The following ARHGEF3 variants were observed in gnomAD, a reference collection of about 807,000 sequenced individuals.
The protein encoded by ARHGEF3 is Rho guanine nucleotide exchange factor 3.
A neutral mutation model predicts 63.2 loss-of-function variants in ARHGEF3; 28 were observed. The ratio of observed to expected loss-of-function variants is 0.44; its 90% CI spans 0.33 to 0.61. ARHGEF3 has a LOEUF of 0.61. Ranked by LOEUF, ARHGEF3 falls within the 20% of genes least tolerant of loss-of-function variation. The pLI is 0.03. For synonymous variants in ARHGEF3, 266 were observed against 254.2 expected (o/e 1.05, Z -0.44); for missense variants, 533 against 659.3 (o/e 0.81, Z 2.10).
rs1438711650 is a variant in ARHGEF3, at chr3:56,885,182, G to A, written c.130-2828C>T. On this transcript the variant is annotated intron_variant, in intron 3 of 12. Transcript: ENST00000338458. ...CAGCATGGGCGTCCTGCTGCCTAGA[G>A]TAACCCCATGCCCTTCTTGAGTTCT... 4.6e-5 allele frequency among the ~76,000 whole-genome samples: 7 copies of A among 152,296 alleles called. 1 individual carries two copies. The South Asian group carries it at 1.2e-3, about 27-fold the overall frequency.
intron 1 of ARHGEF3, among the ~76,000 whole-genome samples, chr3:56,800,936 A>G (rs1248874072): frequency 6.6e-6 from 1 of 152,236 alleles, no homozygotes; most frequent in Non-Finnish European, 1.5e-5. Flanking sequence ...CCAGTGAGCT[A>G]TGTGCCAGAG....
intron 3 of ARHGEF3, among the ~76,000 whole-genome samples, chr3:56,931,520 G>A (rs928311496): frequency 1.5e-5 from 2 of 133,840 alleles, no homozygotes; most frequent in African/African-American, 5.5e-5. Context: ...AGGCTGCAGT[G>A]AGCCATGATC....
At chr3:56,880,207 G>A (rs1429987163) in intron 4 of ARHGEF3, among the ~76,000 whole-genome samples, 1 of 152,200 alleles carries the variant, frequency 6.6e-6, no homozygotes, top group Non-Finnish European at 1.5e-5. Flanking sequence ...CCAAAGCTGA[G>A]TCCCTAAGCA....
intron 2 of ARHGEF3, among the ~76,000 whole-genome samples, chr3:57,026,075 T>A (rs1296165271): frequency 6.6e-6 from 1 of 152,082 alleles, no homozygotes; most frequent in Non-Finnish European, 1.5e-5. Context: ...AACCTGTACC[T>A]TATGAGCCTA....
chr3:57,063,143 G>A lies in ARHGEF3; in HGVS notation c.-28+16083C>T, dbSNP rs186809957. Among the ~76,000 whole-genome samples, 68 of 152,284 alleles carry A rather than the reference G, an allele frequency of 4.5e-4. 1 individual carries two copies. The South Asian group carries it at 4.6e-3, about 10-fold the overall frequency. ...TTGGGAGAGGTGCATTTTGGGCAGC[G>A]GGAATAGCAGGTGCAAAGGCCCTGA... On this transcript the variant is annotated intron_variant, in intron 1 of 12. Transcript: ENST00000338458.
chr3:56,762,310 A>C (rs1331276729), intron 2 of ARHGEF3, among the ~76,000 whole-genome samples: 1 of 152,198 alleles, frequency 6.6e-6, no homozygotes, highest in African/African-American at 2.4e-5. Context: ...AGTTTCCATG[A>C]GGGAATCTGG....
chr3:57,001,552 C>G (rs1009717774), intron 2 of ARHGEF3, among the ~76,000 whole-genome samples: 7 of 152,308 alleles, frequency 4.6e-5, no homozygotes, highest in Admixed American at 2.6e-4. Flanking sequence ...CCCCCTGTAG[C>G]TACAGAGCTT....
chr3:56,845,718 T>TAAA (rs962053645), intron 4 of ARHGEF3, among the ~76,000 whole-genome samples: 2 of 152,148 alleles, frequency 1.3e-5, no homozygotes, highest in African/African-American at 4.8e-5. Context: ...TTGACCTTAT[T>TAAA]AAAATACCAT....
At chr3:56,929,003 A>G (rs750799302) in intron 3 of ARHGEF3, among the ~76,000 whole-genome samples, 2 of 152,172 alleles carry the variant, frequency 1.3e-5, no homozygotes, top group Non-Finnish European at 2.9e-5. Context: ...GCACAGGACA[A>G]TAAAGGACAC....
chr3:56,785,266 G>A (rs1238777231), intron 1 of ARHGEF3, among the ~76,000 whole-genome samples: 9 of 152,066 alleles, frequency 5.9e-5, no homozygotes, highest in Admixed American at 3.3e-4. Context: ...GGCTGGATAC[G>A]GCAAAACTAG....
At chr3:56,830,675 T>A (rs757333888) in intron 4 of ARHGEF3, among the ~76,000 whole-genome samples, 1 of 152,154 alleles carries the variant, frequency 6.6e-6, no homozygotes, top group Non-Finnish European at 1.5e-5. Flanking sequence ...GCTGTTCGCC[T>A]CTCAGCCCCC....
chr3:57,065,636 T>A (rs141740820), intron 1 of ARHGEF3, among the ~76,000 whole-genome samples: 9 of 152,246 alleles, frequency 5.9e-5, no homozygotes, highest in Non-Finnish European at 1.3e-4. Context: ...AAATAAAAGC[T>A]ATAATAAATG....
intron 1 of ARHGEF3, among the ~76,000 whole-genome samples, chr3:57,053,991 G>C (rs957276613): frequency 6.6e-6 from 1 of 152,208 alleles, no homozygotes; most frequent in Non-Finnish European, 1.5e-5. Context: ...TTGGTGCTCA[G>C]ATGCATTCAC....
intron 1 of ARHGEF3, among the ~76,000 whole-genome samples, chr3:56,793,788 T>A (rs897225748): frequency 5.9e-5 from 9 of 152,362 alleles, no homozygotes; most frequent in Non-Finnish European, 8.8e-5. Flanking sequence ...GGGTATTTTT[T>A]AAATATCTGT....
At chr3:56,920,924 G>A (rs12630272) in intron 3 of ARHGEF3, among the ~76,000 whole-genome samples, 81,981 of 151,394 alleles carry the variant, frequency 0.54, 22,625 homozygotes, top group East Asian at 0.92. Flanking sequence ...GCGTGGTGGC[G>A]GGCACCTGTA....
intron 3 of ARHGEF3, among the ~76,000 whole-genome samples, chr3:56,886,599 C>G (rs1315366778): frequency 6.6e-6 from 1 of 152,190 alleles, no homozygotes; most frequent in African/African-American, 2.4e-5. Context: ...GAGAGTGCAA[C>G]AGGACACGGC....
chr3:57,035,277 T>A, intron 1 of ARHGEF3: 1 of 560,174 alleles, frequency 1.8e-6, no homozygotes, highest in Non-Finnish European at 2.9e-6. Context: ...ATATCAAGGG[T>A]TACCCAGTGT....
chr3:56,926,094 G>A (rs1009539007), intron 3 of ARHGEF3, among the ~76,000 whole-genome samples: 5 of 152,302 alleles, frequency 3.3e-5, no homozygotes, highest in Admixed American at 1.3e-4. Context: ...CCACAGCCTC[G>A]AAGCACTAGG....
At chr3:56,834,859 T>C (rs1359515666) in intron 4 of ARHGEF3, among the ~76,000 whole-genome samples, 1 of 152,084 alleles carries the variant, frequency 6.6e-6, no homozygotes, top group Non-Finnish European at 1.5e-5. Flanking sequence ...CTGTGCATCA[T>C]GTGATCCTAT....
Sources: gnomAD v4.1 joint callset for allele counts (sites outside exome capture counted in the v4.1 genomes callset) on GRCh38, gnomAD v4.1.1 for gene constraint, MANE v1.5 for transcripts, NCBI Gene and HGNC (gene_info 2026-07-23, HGNC 2026-07-21) for gene names.